The following PTPRD variants were observed in gnomAD, a reference collection of about 807,000 sequenced individuals.
The protein encoded by PTPRD is protein tyrosine phosphatase receptor type D.
A neutral mutation model predicts 214.5 loss-of-function variants in PTPRD; 34 were observed. The observed-to-expected ratio is 0.16, with a 90% CI of 0.12 to 0.21. The LOEUF is 0.21. Among genes scored for constraint, PTPRD ranks in the 10% least tolerant of loss-of-function variants. PTPRD has a pLI of 1.00. For missense variants in PTPRD, 2,545 were observed against 2,398.7 expected (o/e 1.06, Z -1.27); for synonymous variants, 1,128 against 845.7 (o/e 1.33, Z -5.79).
chr9:9,263,504 C>A (rs1401143960), intron 9 of PTPRD, among the ~76,000 whole-genome samples: 3 of 151,542 alleles, frequency 2.0e-5, no homozygotes, highest in African/African-American at 7.3e-5. Context: ...ATTTAGAAAG[C>A]CTTTGTGTAG....
At chr9:10,325,910 T>A (rs2154431020) in intron 3 of PTPRD, among the ~76,000 whole-genome samples, 2 of 151,940 alleles carry the variant, frequency 1.3e-5, no homozygotes, top group East Asian at 3.9e-4. Context: ...GAATACAAAA[T>A]TTACACCCCA....
Position 10,425,147 on chromosome 9 carries a change from G to A in PTPRD, c.-599-84130C>T, listed in dbSNP as rs548689616. Among the ~76,000 whole-genome samples the A allele has an allele frequency of 2.6e-5, 4 of 152,032 alleles. No homozygotes were observed. The South Asian group carries it at 8.3e-4, about 32-fold the overall frequency. On this transcript the variant is annotated intron_variant, in intron 2 of 45. Coordinates refer to ENST00000381196, the MANE Select transcript of PTPRD (RefSeq NM_002839.4). Reference sequence around the variant, plus strand: ...CATGCTATAAATAAAATCAACTCCAGAGACCAGTGATAATGGTCTAGTAAA... The same window carrying A: ...CATGCTATAAATAAAATCAACTCCAAAGACCAGTGATAATGGTCTAGTAAA...
intron 7 of PTPRD, among the ~76,000 whole-genome samples, chr9:9,631,212 AAT>A (rs2095580210): frequency 6.7e-6 from 1 of 148,208 alleles, no homozygotes; most frequent in South Asian, 2.1e-4. Flanking sequence ...TAAATAAATA[AAT>A]AAATAAATAA....
intron 11 of PTPRD, among the ~76,000 whole-genome samples, chr9:8,948,455 ATATATATATTTACATATATATATATT>A (rs2099080762): frequency 0.017 from 256 of 15,286 alleles, 17 homozygotes; most frequent in Non-Finnish European, 0.021. Flanking sequence ...ATATATATTT[ATATATATATTTACATATATATATATT>A]TATATATATA....
intron 5 of PTPRD, among the ~76,000 whole-genome samples, chr9:9,925,266 G>A (rs2083871047): frequency 6.6e-6 from 1 of 151,956 alleles, no homozygotes; most frequent in Non-Finnish European, 1.5e-5. Context: ...TTACAGGGTA[G>A]GATAAAATTG....
rs537986363 is a variant in PTPRD at position 9,430,044 on chromosome 9, C to G, written c.-236-32562G>C. Among the ~76,000 whole-genome samples the G allele has an allele frequency of 8.5e-5, 13 of 152,264 alleles. No individual in the cohort carries two copies. In the East Asian group the frequency reaches 2.3e-3, roughly 27 times the overall value. On this transcript the variant is annotated intron_variant, in intron 8 of 45. Coordinates refer to ENST00000381196, the MANE Select transcript of PTPRD (RefSeq NM_002839.4). ...CCTATTCAACATAGTGTTGGAAGTTCTGGCCAGGGCAATCAGGCAGGAGAA... is the reference window on the plus strand; with the variant it reads ...CCTATTCAACATAGTGTTGGAAGTTGTGGCCAGGGCAATCAGGCAGGAGAA...
In PTPRD at chr9:9,314,285, T is replaced by A. The variant is rs540166224; in HGVS notation, c.-203+83164A>T. Reference sequence around the variant, plus strand: ...TTCCATTATTTTTAACGGAACAAAATTTGTATTCTGAGTTCATTAGAATAC... The same window carrying A: ...TTCCATTATTTTTAACGGAACAAAAATTGTATTCTGAGTTCATTAGAATAC... On this transcript the variant is annotated intron_variant, in intron 9 of 45. Coordinates refer to ENST00000381196, the MANE Select transcript of PTPRD (RefSeq NM_002839.4). Among the ~76,000 whole-genome samples, 134 of 152,288 alleles carry A rather than the reference T, an allele frequency of 8.8e-4. 4 individuals carry two copies. The South Asian group carries it at 0.011, about 12-fold the overall frequency.
At chr9:10,061,597 A>G (rs7865793) in intron 3 of PTPRD, among the ~76,000 whole-genome samples, 6,761 of 152,078 alleles carry the variant, frequency 0.044, 505 homozygotes, top group African/African-American at 0.16. Context: ...ATACCTTCCT[A>G]TTCCCCACCA....
At chr9:9,374,636 C>T (rs1391649264) in intron 9 of PTPRD, among the ~76,000 whole-genome samples, 1 of 152,110 alleles carries the variant, frequency 6.6e-6, no homozygotes, top group Admixed American at 6.6e-5. Flanking sequence ...TTTATTTCTC[C>T]CAGGTTAAAA....
At chr9:8,947,537 A>G (rs1318499411) in intron 11 of PTPRD, among the ~76,000 whole-genome samples, 1 of 151,984 alleles carries the variant, frequency 6.6e-6, no homozygotes, top group Non-Finnish European at 1.5e-5. Context: ...TTAGCCTTAG[A>G]AAAAGTAACC....
chr9:9,426,365 C>T (rs1465545991), intron 8 of PTPRD, among the ~76,000 whole-genome samples: 1 of 152,166 alleles, frequency 6.6e-6, no homozygotes, highest in Non-Finnish European at 1.5e-5. Context: ...TGGGGATGGG[C>T]GCCCACCATT....
chr9:9,494,923 G>A (rs1450081152), intron 8 of PTPRD, among the ~76,000 whole-genome samples: 1 of 152,134 alleles, frequency 6.6e-6, no homozygotes, highest in Non-Finnish European at 1.5e-5. Flanking sequence ...ATACTGCAAA[G>A]CTATAGTAAT....
At chr9:10,079,349 G>A (rs892489133) in intron 3 of PTPRD, among the ~76,000 whole-genome samples, 13 of 152,100 alleles carry the variant, frequency 8.5e-5, no homozygotes, top group Non-Finnish European at 1.8e-4. Context: ...TTCATTAAAA[G>A]AAATGGTAAT....
chr9:10,391,336 T>C (rs1422769308), intron 2 of PTPRD, among the ~76,000 whole-genome samples: 1 of 151,762 alleles, frequency 6.6e-6, no homozygotes, highest in African/African-American at 2.4e-5. Context: ...AGTTTTCTTT[T>C]TGTCTTGATC....
chr9:8,378,053 T>G (rs2083792373), intron 37 of PTPRD, among the ~76,000 whole-genome samples: 2 of 152,096 alleles, frequency 1.3e-5, no homozygotes, highest in Admixed American at 1.3e-4. Context: ...TTCACAAGGT[T>G]TGATTCCTAT....
chr9:9,131,213 T>C (rs2099842060), intron 10 of PTPRD, among the ~76,000 whole-genome samples: 1 of 152,292 alleles, frequency 6.6e-6, no homozygotes, highest in Middle Eastern at 3.4e-3. Flanking sequence ...CTGCTCTACT[T>C]ACACGTTGAT....
intron 9 of PTPRD, among the ~76,000 whole-genome samples, chr9:9,311,432 A>G (rs1164474071): frequency 2.0e-5 from 3 of 152,288 alleles, no homozygotes; most frequent in East Asian, 1.9e-4. Context: ...AAACAAAATC[A>G]TCCCCCTAAA....
chr9:9,579,696 T>C (rs936405855), intron 7 of PTPRD, among the ~76,000 whole-genome samples: 2 of 152,160 alleles, frequency 1.3e-5, no homozygotes, highest in African/African-American at 4.8e-5. Flanking sequence ...AGATGTAGCT[T>C]AGAGATACAG....
intron 8 of PTPRD, among the ~76,000 whole-genome samples, chr9:9,486,150 C>A (rs1009240271): frequency 3.3e-5 from 1 of 30,164 alleles, no homozygotes; most frequent in Non-Finnish European, 5.3e-5. Flanking sequence ...GACTCTCTCT[C>A]AAAAAAAAAA....
Sources: gnomAD v4.1 joint callset for allele counts (sites outside exome capture counted in the v4.1 genomes callset) on GRCh38, gnomAD v4.1.1 for gene constraint, MANE v1.5 for transcripts, NCBI Gene and HGNC (gene_info 2026-07-23, HGNC 2026-07-21) for gene names.